The following DNAH11 variants were observed in gnomAD, a reference collection of about 807,000 sequenced individuals.
The protein encoded by DNAH11 is axonemal beta dynein heavy chain 11.
In DNAH11, 442 loss-of-function variants were observed where a neutral mutation model predicts 526.0. The observed-to-expected ratio is 0.84, with a 90% CI of 0.78 to 0.91. The LOEUF (loss-of-function observed/expected upper bound fraction) is 0.91. Among genes scored for constraint, DNAH11 ranks in the 40% least tolerant of loss-of-function variants. The pLI is 0.00. For synonymous variants in DNAH11, 2,461 were observed against 1,935.9 expected, an observed-to-expected ratio of 1.27 and a Z score of -7.12; for missense variants, 6,989 against 5,448.7, an observed-to-expected ratio of 1.28 and a Z score of -8.90.
chr7:21,680,046 T>G (rs920442), intron 30 of DNAH11, among the ~76,000 whole-genome samples: 90,053 of 152,038 alleles, frequency 0.59, 27,486 homozygotes, highest in African/African-American at 0.74. Context: ...GGAACCTTCT[T>G]TGTTCTTATT....
rs770117098 is a variant in DNAH11, at chr7:21,892,690, T to G, written c.12750+23T>G. The stretch of plus-strand genomic sequence containing the variant: ...AAGGTAGAGGGTCTTTCCTTCCTTT[T>G]CTTTTTCATTGAAGTATAACTTACT... On this transcript the variant is annotated intron_variant, in intron 77 of 81. Transcript: ENST00000409508. The G allele has an allele frequency of 9.7e-6, 15 of 1,553,672 alleles. No individual in the cohort carries two copies. In the South Asian group the frequency reaches 1.5e-4, roughly 16 times the overall value.
chr7:21,652,859 T>G (rs895910388), intron 28 of DNAH11, among the ~76,000 whole-genome samples: 9 of 143,254 alleles, frequency 6.3e-5, no homozygotes, highest in Admixed American at 5.4e-4. Flanking sequence ...GAAGTATTAG[T>G]TTTTTTTAAT....
chr7:21,580,738 A>G (rs1784277590), intron 8 of DNAH11, among the ~76,000 whole-genome samples: 1 of 152,182 alleles, frequency 6.6e-6, no homozygotes, highest in Non-Finnish European at 1.5e-5. Context: ...TCCCACACTT[A>G]TTACCTAGTC....
chr7:21,787,391 TGC>T lies in DNAH11; in HGVS notation c.9742-9_9742-8del. The T allele has an allele frequency of 6.3e-7, 1 of 1,596,772 alleles. No individual in the cohort carries two copies. Among genetic ancestry groups the T allele is most frequent in the Admixed American group, 1.7e-5 (1 of 57,642 alleles). On this transcript the variant is annotated splice_polypyrimidine_tract_variant and splice_region_variant and intron_variant, in intron 59 of 81. Transcript: ENST00000409508. Reference sequence around the variant, plus strand: ...ATGGGTTCATTGCAATAAATCTTTTTGCTTTGCAGGTTGATGATTTTTTGCAA... The same window carrying T: ...ATGGGTTCATTGCAATAAATCTTTTTTTTGCAGGTTGATGATTTTTTGCAA...
chr7:21,717,981 G>T, intron 43 of DNAH11, 56 bp downstream of exon 43: 1 of 1,545,018 alleles, frequency 6.5e-7, no homozygotes, highest in Non-Finnish European at 8.7e-7. Context: ...AGTGTTTGTT[G>T]ATCAAGACAA....
intron 69 of DNAH11, among the ~76,000 whole-genome samples, chr7:21,862,418 C>T (rs1562590581): frequency 6.6e-6 from 1 of 152,152 alleles, no homozygotes; most frequent in East Asian, 1.9e-4. Context: ...TACAAAACAG[C>T]GACTGGGTTC....
At chr7:21,837,012 C>T (rs1178240314) in intron 65 of DNAH11, among the ~76,000 whole-genome samples, 1 of 152,046 alleles carries the variant, frequency 6.6e-6, no homozygotes, top group African/African-American at 2.4e-5. Flanking sequence ...CACTAATTAT[C>T]AGGGAAATGC....
intron 25 of DNAH11, among the ~76,000 whole-genome samples, chr7:21,629,819 T>G (rs1786519117): frequency 1.3e-5 from 2 of 152,110 alleles, no homozygotes; most frequent in African/African-American, 4.8e-5. Flanking sequence ...TCTTTATAGG[T>G]GAAGTGGGTT....
intron 6 of DNAH11, among the ~76,000 whole-genome samples, chr7:21,569,257 A>G (rs1380805634): frequency 2.6e-5 from 4 of 152,198 alleles, no homozygotes; most frequent in African/African-American, 9.6e-5. Context: ...AAGCGACCAC[A>G]AAATTGAAGG....
intron 2 of DNAH11, among the ~76,000 whole-genome samples, chr7:21,551,517 T>C (rs1783022406): frequency 6.6e-6 from 1 of 152,226 alleles, no homozygotes; most frequent in South Asian, 2.1e-4. Context: ...AGAATCAGTA[T>C]ATACAGTGTC....
Position 21,720,428 on chromosome 7 carries a change from CT to C in DNAH11, c.7135-285del, listed in dbSNP as rs35946379. 0.024 allele frequency among the ~76,000 whole-genome samples: 3,360 copies of C among 140,748 alleles called. 130 individuals are homozygous for C. The highest frequency in any genetic ancestry group is 0.21 in the East Asian group (1,056 of 4,924). 92.3% of individuals were successfully genotyped at this position (140,748 alleles called of 152,430 possible). ...ATTTATAAAAAAGTGAATATGTACC[CT>C]TTTTTTTTTTTGCTTATGTGTGATT... On this transcript the variant is annotated intron_variant, in intron 43 of 81. Transcript: ENST00000409508.
At chr7:21,773,690 C>G in intron 55 of DNAH11, 76 bp from the exon 56 acceptor site, 1 of 990,128 alleles carries the variant, frequency 1.0e-6, no homozygotes, top group African/African-American at 2.7e-5. Context: ...AAAAAATGAT[C>G]ATTTACTTGA....
chr7:21,868,346 G>A (rs983425764), intron 72 of DNAH11, among the ~76,000 whole-genome samples: 1 of 152,000 alleles, frequency 6.6e-6, no homozygotes, highest in Non-Finnish European at 1.5e-5. Context: ...ATTTGATTGC[G>A]CAAGGCACTG....
intron 25 of DNAH11, among the ~76,000 whole-genome samples, chr7:21,622,820 C>T (rs1011845645): frequency 3.3e-5 from 5 of 151,984 alleles, no homozygotes; most frequent in East Asian, 1.9e-4. Flanking sequence ...AATTAATTCA[C>T]GATGGATTAA....
intron 61 of DNAH11, among the ~76,000 whole-genome samples, chr7:21,791,009 G>A (rs912630730): frequency 2.6e-5 from 4 of 152,198 alleles, no homozygotes; most frequent in South Asian, 2.1e-4. Flanking sequence ...AGCCACTGTC[G>A]TGAATCCTGT....
chr7:21,901,396 A>C lies in DNAH11; in HGVS notation c.*142A>C, dbSNP rs1784836360. On this transcript the variant is annotated 3_prime_UTR_variant, in exon 82 of 82. Transcript: ENST00000409508. Reference sequence around the variant, plus strand: ...TTTTTCAACGCTATCCTTAGAGTGAAAGTCAGAAAAAAATACTAGAAACTA... The same window carrying C: ...TTTTTCAACGCTATCCTTAGAGTGACAGTCAGAAAAAAATACTAGAAACTA... 3 of 1,204,284 alleles carry C rather than the reference A, an allele frequency of 2.5e-6. No individual in the cohort carries two copies. 74.6% of individuals were successfully genotyped at this position (1,204,284 alleles called of 1,614,324 possible). A position where few individuals can be genotyped will look rare whatever the true frequency, so the allele number is the denominator to read the frequency against.
At chr7:21,843,297 A>G (rs972706368) in intron 66 of DNAH11, among the ~76,000 whole-genome samples, 4 of 152,186 alleles carry the variant, frequency 2.6e-5, no homozygotes, top group African/African-American at 9.7e-5. Flanking sequence ...TAGAAAATAG[A>G]CAAAAGATTA....
chr7:21,599,720 C>A, intron 14 of DNAH11, 67 bp from the exon 15 acceptor site: 2 of 1,196,556 alleles, frequency 1.7e-6, no homozygotes, highest in Non-Finnish European at 1.1e-6. Context: ...ACTATTTAAA[C>A]GGAGAGTTTT....
intron 55 of DNAH11, among the ~76,000 whole-genome samples, chr7:21,766,818 T>C (rs1787204530): frequency 6.6e-6 from 1 of 152,080 alleles, no homozygotes; most frequent in Admixed American, 6.5e-5. Context: ...TTTCCTGAAA[T>C]GTTTATTAAT....
Sources: allele counts gnomAD v4.1 joint callset (sites outside exome capture counted in the v4.1 genomes callset), GRCh38; gene constraint gnomAD v4.1.1; transcripts MANE v1.5; gene names NCBI Gene and HGNC (gene_info 2026-07-23, HGNC 2026-07-21).